Variants in TBC1D32 observed in about 807,000 individuals in gnomAD.
The protein encoded by TBC1D32 is protein broad-minded.
Under a neutral mutation model 170.3 loss-of-function variants are expected in TBC1D32, and 151 were observed. That is an observed-to-expected ratio of 0.89 (90% confidence interval 0.78 to 1.01). The LOEUF is 1.01. Ranked by LOEUF, TBC1D32 falls within the 50% of genes least tolerant of loss-of-function variation. TBC1D32 has a pLI of 0.00. For missense variants in TBC1D32, 1,464 were observed against 1,457.1 expected (o/e 1.00, Z -0.08); for synonymous variants, 498 against 488.0 (o/e 1.02, Z -0.27).
At chr6:121,237,389 A>G (rs899515781) in intron 20 of TBC1D32, among the ~76,000 whole-genome samples, 6 of 151,888 alleles carry the variant, frequency 4.0e-5, no homozygotes, top group Admixed American at 3.9e-4. Context: ...CATTCTCTAC[A>G]TAAATTCTCT....
At chr6:121,263,395 C>A (rs1036137668) in intron 15 of TBC1D32, among the ~76,000 whole-genome samples, 1 of 152,124 alleles carries the variant, frequency 6.6e-6, no homozygotes, top group South Asian at 2.1e-4. Flanking sequence ...AGCTAACTAT[C>A]CGAAATATAC....
chr6:121,247,848 T>C (rs1390884298), intron 17 of TBC1D32, among the ~76,000 whole-genome samples: 1 of 151,940 alleles, frequency 6.6e-6, no homozygotes, highest in East Asian at 1.9e-4. Flanking sequence ...AGAAATGAGA[T>C]TGACAACAAC....
chr6:121,112,611 A>G lies in TBC1D32; in HGVS notation c.3218T>C (p.Leu1073Pro). 5 of 1,609,404 alleles carry G rather than the reference A, an allele frequency of 3.1e-6. No homozygotes were observed. Among genetic ancestry groups the G allele is most frequent in the Non-Finnish European group, 4.2e-6 (5 of 1,177,414 alleles). Residue 1073 changes from leucine to proline, a missense_variant, in exon 29 of 32, where the codon CTG (leucine) becomes CCG (proline). Physicochemically the swap from Leu to Pro is moderately conservative, Grantham distance 98 (BLOSUM62 -3). This residue lies in a region of TBC1D32 where 1,363 missense variants were observed against 1,338.1 expected (regional missense o/e 1.02). Coordinates refer to ENST00000398212, the MANE Select transcript of TBC1D32 (RefSeq NM_152730.6). ...YAGHDWFVSS[L>P]FMIMLGDKEK... ...TTTGTCTCCCAACATTATCATGAAC[A>G]GAGAAGATACAAACCAGTCATGGCC... is the stretch of plus-strand genomic sequence containing the variant.
At chr6:121,129,502 A>G (rs1429134127) in intron 25 of TBC1D32, among the ~76,000 whole-genome samples, 2 of 152,214 alleles carry the variant, frequency 1.3e-5, no homozygotes, top group Non-Finnish European at 2.9e-5. Context: ...ATGAAATAGT[A>G]TAGTTTATAT....
chr6:121,267,564 G>A (rs1800705229), intron 15 of TBC1D32, among the ~76,000 whole-genome samples: 1 of 152,152 alleles, frequency 6.6e-6, no homozygotes, highest in Admixed American at 6.5e-5. Context: ...CAGCAAGGCT[G>A]GGGGAGGGGC....
At chr6:121,253,345 G>GA (rs1798539367) in intron 17 of TBC1D32, among the ~76,000 whole-genome samples, 1 of 151,248 alleles carries the variant, frequency 6.6e-6, no homozygotes, top group Non-Finnish European at 1.5e-5. Flanking sequence ...ACGAGCACTT[G>GA]AAAAAAAATG....
intron 17 of TBC1D32, among the ~76,000 whole-genome samples, chr6:121,252,602 G>A (rs929885884): frequency 2.6e-5 from 4 of 152,140 alleles, no homozygotes; most frequent in African/African-American, 9.7e-5. Flanking sequence ...AGAGCATTAG[G>A]ACAAATACCC....
chr6:121,147,614 C>T (rs1054885746), intron 24 of TBC1D32, among the ~76,000 whole-genome samples: 21 of 151,584 alleles, frequency 1.4e-4, no homozygotes, highest in Admixed American at 2.6e-4. Flanking sequence ...TTTTTTGAGA[C>T]GGAGTCTTGC....
chr6:121,315,897 A>G (rs1002959720), intron 3 of TBC1D32, among the ~76,000 whole-genome samples: 1 of 152,104 alleles, frequency 6.6e-6, no homozygotes, highest in Non-Finnish European at 1.5e-5. Flanking sequence ...TTTCTTCCCA[A>G]AAGTCCAGGG....
At chr6:121,117,953 T>C (rs2128204174) in intron 26 of TBC1D32, among the ~76,000 whole-genome samples, 1 of 151,864 alleles carries the variant, frequency 6.6e-6, no homozygotes, top group South Asian at 2.1e-4. Context: ...TGGGGAAAAA[T>C]GAATAAGTAA....
chr6:121,329,251 A>G (rs1810886675), intron 1 of TBC1D32, among the ~76,000 whole-genome samples: 1 of 152,198 alleles, frequency 6.6e-6, no homozygotes, highest in Non-Finnish European at 1.5e-5. Flanking sequence ...ACATGTTCGT[A>G]ATGTTTATAT....
intron 22 of TBC1D32, chr6:121,163,062 A>G (rs1302622598): frequency 1.7e-4 from 3 of 18,160 alleles, no homozygotes; most frequent in South Asian, 1.4e-3. Context: ...CACCTGGCTC[A>G]GAGGGTCCTA....
intron 26 of TBC1D32, 96 bp from the exon 27 acceptor site, chr6:121,115,337 T>C: frequency 3.5e-6 from 3 of 862,782 alleles, no homozygotes; most frequent in Non-Finnish European, 3.3e-6. Context: ...TTTTTACATA[T>C]TTTAATGTGA....
chr6:121,106,833 A>G (rs535538131), intron 29 of TBC1D32, among the ~76,000 whole-genome samples: 1 of 152,104 alleles, frequency 6.6e-6, no homozygotes, highest in South Asian at 2.1e-4. Context: ...ATATGTGAAT[A>G]TATACACACA....
chr6:121,332,060 C>A (rs918294841), intron 1 of TBC1D32, among the ~76,000 whole-genome samples: 1 of 152,016 alleles, frequency 6.6e-6, no homozygotes, highest in African/African-American at 2.4e-5. Flanking sequence ...ATGCAACAAG[C>A]ATTTATTTAA....
At chr6:121,255,996 T>A (rs1798950473) in intron 16 of TBC1D32, 88 bp downstream of exon 16, 7 of 1,151,916 alleles carry the variant, frequency 6.1e-6, no homozygotes, top group Non-Finnish European at 8.6e-6. Context: ...CCCAGTTAAA[T>A]ATTTCATCCA....
chr6:121,155,850 TAA>T (rs921959160), intron 24 of TBC1D32, among the ~76,000 whole-genome samples: 6 of 152,142 alleles, frequency 3.9e-5, no homozygotes, highest in African/African-American at 1.4e-4. Flanking sequence ...ATCTCAGGAA[TAA>T]ACTCTAACTT....
chr6:121,269,863 T>C (rs1466392564), intron 15 of TBC1D32, among the ~76,000 whole-genome samples: 1 of 152,130 alleles, frequency 6.6e-6, no homozygotes, highest in East Asian at 1.9e-4. Context: ...TAGTTGGAAG[T>C]AAAGCACTCC....
chr6:121,210,613 G>C (rs1297453956), intron 21 of TBC1D32, among the ~76,000 whole-genome samples: 2 of 152,182 alleles, frequency 1.3e-5, no homozygotes, highest in African/African-American at 4.8e-5. Flanking sequence ...TGCAAGCACT[G>C]CTGTGAAGGA....
Sources: allele counts gnomAD v4.1 joint callset (sites outside exome capture counted in the v4.1 genomes callset), GRCh38; gene constraint gnomAD v4.1.1; regional missense constraint gnomAD v4.1.1; transcripts MANE v1.5; gene names NCBI Gene and HGNC (gene_info 2026-07-23, HGNC 2026-07-21).